NUP35: variants seen among roughly 807,000 people sequenced by gnomAD.
NUP35 encodes the protein nucleoporin NUP35.
In NUP35, 25 loss-of-function variants were observed where a neutral mutation model predicts 41.5. The observed-to-expected ratio is 0.60, with a 90% CI of 0.44 to 0.84. The LOEUF (loss-of-function observed/expected upper bound fraction) is 0.84. Ranked by LOEUF, NUP35 falls within the 40% of genes least tolerant of loss-of-function variation. NUP35 has a pLI of 0.00. For missense variants in NUP35, 396 were observed against 396.6 expected, an observed-to-expected ratio of 1.00 and a Z score of 0.01; for synonymous variants, 149 against 130.7, an observed-to-expected ratio of 1.14 and a Z score of -0.96.
At chr2:183,130,081 C>A (rs1395912292) in intron 2 of NUP35, among the ~76,000 whole-genome samples, 1 of 152,112 alleles carries the variant, frequency 6.6e-6, no homozygotes, top group Non-Finnish European at 1.5e-5. Context: ...AAATGTTAAG[C>A]GTTTTGTAGA....
At chr2:183,123,862 C>T, upstream of NUP35, 6 of 962,172 alleles carry the variant, frequency 6.2e-6, no homozygotes, top group Non-Finnish European at 7.4e-6. Context: ...TACATGTGTA[C>T]TTTATGCGTT....
chr2:183,136,944 G>A (rs1473719569), intron 4 of NUP35, among the ~76,000 whole-genome samples: 4 of 152,080 alleles, frequency 2.6e-5, no homozygotes, highest in Non-Finnish European at 5.9e-5. Context: ...ATAAAAATTA[G>A]CCAGGCATGG....
rs186526762 is a variant in NUP35 at position 183,127,397 on chromosome 2, C to T, written c.41-890C>T. Among the ~76,000 whole-genome samples the T allele has an allele frequency of 7.2e-5, 11 of 151,810 alleles. No homozygotes were observed. In the East Asian group the frequency reaches 1.4e-3, roughly 19 times the overall value. ...CCTCCCAAAGTGCTAGGATTGCAGG[C>T]GTGAGTCACCATGCCCAGCTGTGAT... On this transcript the variant is annotated intron_variant, in intron 1 of 8. Coordinates refer to ENST00000295119, the MANE Select transcript of NUP35 (RefSeq NM_138285.5).
chr2:183,126,691 A>G (rs888219083), intron 1 of NUP35, among the ~76,000 whole-genome samples: 1 of 151,660 alleles, frequency 6.6e-6, no homozygotes, highest in African/African-American at 2.4e-5. Context: ...TCTAGGCCTA[A>G]TATAATGGGA....
chr2:183,149,847 GAATTA>G (rs1464070222), intron 4 of NUP35, among the ~76,000 whole-genome samples: 1 of 152,140 alleles, frequency 6.6e-6, no homozygotes, highest in African/African-American at 2.4e-5. Context: ...AGGATTGTTA[GAATTA>G]AATAAAATTA....
intron 3 of NUP35, among the ~76,000 whole-genome samples, chr2:183,132,872 CAT>C (rs1381343386): frequency 6.6e-6 from 1 of 152,196 alleles, no homozygotes; most frequent in African/African-American, 2.4e-5. Context: ...TCTCTCCCAA[CAT>C]TCTCTCAGCA....
At position 183,161,143 on chromosome 2, in the gene NUP35, G is replaced by A. The variant is rs759033297; in HGVS notation, c.*12G>A. On this transcript the variant is annotated 3_prime_UTR_variant, in exon 9 of 9. Coordinates refer to ENST00000295119, the MANE Select transcript of NUP35 (RefSeq NM_138285.5). The stretch of plus-strand genomic sequence containing the variant: ...TGTTTGGCTGGTAGTAGAACACCAA[G>A]AAGGAGGTTGCTACACTAAAACAGA... The A allele has an allele frequency of 1.4e-5, 23 of 1,601,028 alleles. No homozygotes were observed. The highest frequency in any genetic ancestry group is 1.0e-4 in the Admixed American group (6 of 59,932).
At chr2:183,146,567 G>T (rs2105590421) in intron 4 of NUP35, among the ~76,000 whole-genome samples, 1 of 151,874 alleles carries the variant, frequency 6.6e-6, no homozygotes, top group African/African-American at 2.4e-5. Flanking sequence ...GGTTCCCTCT[G>T]CAGCCTTATC....
intron 4 of NUP35, among the ~76,000 whole-genome samples, chr2:183,139,762 C>T (rs778938599): frequency 6.6e-6 from 1 of 152,192 alleles, no homozygotes; most frequent in Non-Finnish European, 1.5e-5. Context: ...AGGAGGCAAG[C>T]GGCAAGCAGT....
chr2:183,124,017 T>G (rs754938566), upstream of NUP35, among the ~76,000 whole-genome samples: 4 of 152,222 alleles, frequency 2.6e-5, no homozygotes, highest in Non-Finnish European at 4.4e-5. Flanking sequence ...AAGCGTCATG[T>G]ACTAAGTCCA....
Position 183,161,158 on chromosome 2 carries a change from A to G in NUP35, c.*27A>G, listed in dbSNP as rs750745259. 9 of 1,550,968 alleles carry G rather than the reference A, an allele frequency of 5.8e-6. No individual in the cohort carries two copies. The highest frequency in any genetic ancestry group is 3.4e-5 in the South Asian group (3 of 89,196). On this transcript the variant is annotated 3_prime_UTR_variant, in exon 9 of 9. Coordinates refer to ENST00000295119, the MANE Select transcript of NUP35 (RefSeq NM_138285.5). Reference sequence around the variant, plus strand: ...AGAACACCAAGAAGGAGGTTGCTACACTAAAACAGAGTTAGCAGAGTGCTG... The same window carrying G: ...AGAACACCAAGAAGGAGGTTGCTACGCTAAAACAGAGTTAGCAGAGTGCTG...
At chr2:183,159,687 T>C (rs1170984293) in intron 8 of NUP35, 35 bp downstream of exon 8, 1 of 1,541,450 alleles carries the variant, frequency 6.5e-7, no homozygotes. Flanking sequence ...AGATGTACTT[T>C]AATGGCTGAG....
At chr2:183,151,245 G>A (rs536725120) in intron 4 of NUP35, among the ~76,000 whole-genome samples, 1 of 152,188 alleles carries the variant, frequency 6.6e-6, no homozygotes, top group African/African-American at 2.4e-5. Flanking sequence ...TCTGGTGTCA[G>A]CTTAACCAGA....
chr2:183,131,032 AGT>A, intron 3 of NUP35: 1 of 605,396 alleles, frequency 1.7e-6, no homozygotes, highest in Non-Finnish European at 2.7e-6. Flanking sequence ...CCCAGGCTAG[AGT>A]GCAGCGGCAC....
chr2:183,158,457 A>G, intron 7 of NUP35, 46 bp downstream of exon 7: 1 of 1,494,930 alleles, frequency 6.7e-7, no homozygotes, highest in African/African-American at 1.4e-5. Context: ...CTATATGAAG[A>G]GCACAAGACC....
At chr2:183,148,860 A>G (rs1331658997) in intron 4 of NUP35, among the ~76,000 whole-genome samples, 1 of 152,080 alleles carries the variant, frequency 6.6e-6, no homozygotes, top group Non-Finnish European at 1.5e-5. Context: ...AGGTTTTGCC[A>G]TGTTGCCCAG....
chr2:183,138,436 G>C (rs1056760602), intron 4 of NUP35, among the ~76,000 whole-genome samples: 1 of 151,694 alleles, frequency 6.6e-6, no homozygotes, highest in Non-Finnish European at 1.5e-5. Context: ...CAATAAAGAG[G>C]TTGGTGGGTT....
At chr2:183,154,026 G>GC (rs1287386706) in intron 5 of NUP35, among the ~76,000 whole-genome samples, 1 of 152,040 alleles carries the variant, frequency 6.6e-6, no homozygotes, top group Non-Finnish European at 1.5e-5. Flanking sequence ...CCAAGGCTTG[G>GC]GGCTTCCACT....
Position 183,159,569 on chromosome 2 carries a change from C to T in NUP35, c.820C>T (p.Pro274Ser), listed in dbSNP as rs773591440. Reference sequence around the variant, plus strand: ...ACCACCAATCAAAACTCTAGGTACACCAACACAACCTGGAAGTACTCCTAG... The same window carrying T: ...ACCACCAATCAAAACTCTAGGTACATCAACACAACCTGGAAGTACTCCTAG... ...FTPPIKTLGT[P>S]TQPGSTPRIS... The change falls in exon 8 of 9, where the codon CCA becomes TCA. Residue 274 changes from proline to serine, a missense_variant. Pro to Ser is a moderately conservative substitution (Grantham distance 74). Coordinates refer to ENST00000295119, the MANE Select transcript of NUP35 (RefSeq NM_138285.5). The T allele has an allele frequency of 2.5e-6, 4 of 1,613,314 alleles. No homozygotes were observed. Among genetic ancestry groups the T allele is most frequent in the African/African-American group, 1.3e-5 (1 of 74,888 alleles).
Sources: gnomAD v4.1 joint callset for allele counts (sites outside exome capture counted in the v4.1 genomes callset) on GRCh38, gnomAD v4.1.1 for gene constraint, MANE v1.5 for transcripts, NCBI Gene and HGNC (gene_info 2026-07-23, HGNC 2026-07-21) for gene names.